The following NEB variants were observed in gnomAD, a reference collection of about 807,000 sequenced individuals.
NEB encodes nemaline myopathy type 2.
In NEB, 512 loss-of-function variants were observed where a neutral mutation model predicts 952.2. The observed-to-expected ratio is 0.54, with a 90% confidence interval of 0.50 to 0.58. The LOEUF (loss-of-function observed/expected upper bound fraction) is 0.58. Among genes scored for constraint, NEB ranks in the 20% least tolerant of loss-of-function variants. The pLI is 0.00. For missense variants in NEB, 8,428 were observed against 9,231.1 expected (o/e 0.91, Z 3.56); for synonymous variants, 2,900 against 3,149.8 (o/e 0.92, Z 2.66).
chr2:151,704,634 C>T (rs543713432), intron 13 of NEB, among the ~76,000 whole-genome samples: 15 of 152,176 alleles, frequency 9.9e-5, no homozygotes, highest in Non-Finnish European at 1.9e-4. Context: ...CAGGTGCGTC[C>T]GTCACCCCTT....
intron 170 of NEB, 80 bp from the exon 171 acceptor site, chr2:151,497,798 A>C (rs1279874386): frequency 1.0e-4 from 155 of 1,539,872 alleles, no homozygotes; most frequent in Non-Finnish European, 1.3e-4. Flanking sequence ...TGAGGAAAAA[A>C]CACAGTCATC....
intron 153 of NEB, among the ~76,000 whole-genome samples, chr2:151,522,976 C>T (rs1391527098): frequency 6.6e-6 from 1 of 152,152 alleles, no homozygotes; most frequent in African/African-American, 2.4e-5. Context: ...CCCATAGGGT[C>T]CCATTCTCCA....
In NEB at chr2:151,533,479, A is replaced by G. The variant is rs561915220; in HGVS notation, c.21380T>C (p.Met7127Thr). The G allele has an allele frequency of 7.7e-6, 12 of 1,551,666 alleles. No homozygotes were observed. The African/African-American group carries it at 1.2e-4, about 16-fold the overall frequency. ...HGCNEILRPD[M>T]LTALYNSHMW... ...ATGCGAATTGTAGAGAGCAGTCAAC[A>G]TATCTGGACGCAGAATTTCATTACA... The change falls in exon 143 of 182, where the codon ATG becomes ACG. Residue 7127 changes from methionine to threonine, a missense_variant. Transcript: ENST00000397345.
intron 45 of NEB, 61 bp downstream of exon 45, chr2:151,663,487 T>C: frequency 6.8e-7 from 1 of 1,460,368 alleles, no homozygotes; most frequent in Non-Finnish European, 9.3e-7. Flanking sequence ...TCATTGCTTA[T>C]GGTCACTCAT....
chr2:151,516,338 A>G (rs1293310482), intron 157 of NEB, 121 bp downstream of exon 157: 6 of 619,316 alleles, frequency 9.7e-6, no homozygotes, highest in African/African-American at 1.8e-5. Flanking sequence ...TAGTGATCAC[A>G]TGATAAAAAG....
At chr2:151,678,306 C>T (rs140452327) in intron 32 of NEB, 119 bp from the exon 33 acceptor site, 1 of 614,510 alleles carries the variant, frequency 1.6e-6, no homozygotes, top group African/African-American at 1.8e-5. Context: ...AATAACCAAA[C>T]AATTAACAAT....
chr2:151,521,062 C>CA (rs1431830665), intron 153 of NEB, among the ~76,000 whole-genome samples: 10 of 152,192 alleles, frequency 6.6e-5, no homozygotes, highest in Middle Eastern at 3.4e-3. Context: ...ACCAAAAGGG[C>CA]AATATTTAAC....
intron 180 of NEB, 44 bp from the exon 181 acceptor site, chr2:151,490,121 A>G (rs1414832502): frequency 6.9e-7 from 1 of 1,448,506 alleles, no homozygotes; most frequent in Admixed American, 1.8e-5. Context: ...AAAAATGGCT[A>G]GGTATCCTTT....
intron 141 of NEB, 85 bp from the exon 142 acceptor site, chr2:151,535,880 G>A (rs1576638030): frequency 1.4e-6 from 1 of 716,984 alleles, no homozygotes; most frequent in Non-Finnish European, 2.3e-6. Flanking sequence ...TGATATAATT[G>A]TGATAATTAA....
At chr2:151,487,764 C>T (rs1559083750) in intron 181 of NEB, among the ~76,000 whole-genome samples, 1 of 151,600 alleles carries the variant, frequency 6.6e-6, no homozygotes, top group Non-Finnish European at 1.5e-5. Context: ...TATACATACA[C>T]ACATATATAT....
rs139193329 is a variant in NEB at position 151,653,729 on chromosome 2, G to A, written c.6915+263C>T. ...CAAAGTAGGGAAAACTTGCAATCTC[G>A]GGTCCTTTGTAACATCTCCAAGTAG... On this transcript the variant is annotated intron_variant, in intron 52 of 181. Coordinates refer to ENST00000397345, the MANE Select transcript of NEB (RefSeq NM_001164508.2). Among the ~76,000 whole-genome samples, 236 of 152,126 alleles carry A rather than the reference G, an allele frequency of 1.6e-3. 1 individual carries two copies. Among genetic ancestry groups the A allele is most frequent in the African/African-American group, 5.4e-3 (223 of 41,530 alleles).
chr2:151,514,467 G>T, intron 158 of NEB, 39 bp from the exon 159 acceptor site: 2 of 1,439,406 alleles, frequency 1.4e-6, no homozygotes, highest in Non-Finnish European at 9.8e-7. Flanking sequence ...TGACAAGAAA[G>T]CCCAGATTGA....
At position 151,666,318 on chromosome 2, in the gene NEB, G is replaced by C. The variant is rs771278131; in HGVS notation, c.4803C>G (p.His1601Gln). Residue 1601 changes from histidine (H) to glutamine (Q), a missense_variant, in exon 41 of 182, where the codon CAC becomes CAG. Physicochemically the swap from His to Gln is conservative, Grantham distance 24. Around this residue, in one of 11 missense-constraint regions of NEB, gnomAD observed 2,851 missense variants for 2,791.5 expected, o/e 1.02. Transcript: ENST00000397345. ...LSLQDDPKLV[H>Q]YMNVAKIQSD... is the part of the protein sequence containing the mutation. ...ACTGGATTTTGGCCACATTCATGTA[G>C]TGAACCAGTTTAGGATCATCCTGAA... 1 of 1,613,770 alleles carries C rather than the reference G, an allele frequency of 6.2e-7. No homozygotes were observed. The highest frequency in any genetic ancestry group is 8.5e-7 in the Non-Finnish European group (1 of 1,179,868).
intron 167 of NEB, among the ~76,000 whole-genome samples, chr2:151,501,938 ATTAAT>A (rs1164818309): frequency 3.3e-5 from 5 of 152,238 alleles, no homozygotes; most frequent in Admixed American, 6.5e-5. Context: ...CAAAGGAAAA[ATTAAT>A]TTATATCTTA....
intron 145 of NEB, 24 bp from the exon 146 acceptor site, chr2:151,529,338 A>C: frequency 1.3e-6 from 2 of 1,488,748 alleles, no homozygotes; most frequent in African/African-American, 1.4e-5. Context: ...CACAGTGACA[A>C]GATTAATTTT....
rs1433653842 is a variant in NEB at position 151,727,852 on chromosome 2, A to G, written c.133T>C (p.Ser45Pro). The G allele has an allele frequency of 5.0e-6, 8 of 1,612,868 alleles. No individual in the cohort carries two copies. The highest frequency in any genetic ancestry group is 3.3e-5 in the South Asian group (3 of 90,710). Residue 45 changes from serine (S) to proline (P), a missense_variant, in exon 5 of 182, where the codon TCA (serine) becomes CCA (proline). Ser to Pro is a moderately conservative substitution (Grantham distance 74). Coordinates refer to ENST00000397345, the MANE Select transcript of NEB (RefSeq NM_001164508.2). ...TTTRTSDYEQ[S>P]ETSKPALAQP... ...GCCAGAGCTGGTTTGGAAGTTTCTG[A>G]TTGCTCATAGTCAGATGTCCTTGTT...
At chr2:151,680,065 A>C (rs1250343906) in intron 30 of NEB, 43 bp from the exon 31 acceptor site, 1 of 1,393,556 alleles carries the variant, frequency 7.2e-7, no homozygotes, top group Non-Finnish European at 1.0e-6. Context: ...TAAAGTAGAA[A>C]GAAAATTTAA....
Position 151,729,632 on chromosome 2 carries a change from C to CTGTGTAGTACTGTGTA in NEB, c.60_61insTACACAGTACTACACA (p.Glu21TyrfsTer18). 1 of 1,613,280 alleles carries CTGTGTAGTACTGTGTA rather than the reference C, an allele frequency of 6.2e-7. No individual in the cohort carries two copies. Among genetic ancestry groups the CTGTGTAGTACTGTGTA allele is most frequent in the East Asian group, 2.2e-5 (1 of 44,864 alleles). ...GGCCTTACCTCTCCCGGCACCTCTT[C>CTGTGTAGTACTGTGTA]GTAAACCACTTCTTCTGTGTAGTAC... On this transcript the variant is annotated frameshift_variant, in exon 4 of 182. Transcript: ENST00000397345. LOFTEE classifies it high-confidence loss of function.
intron 170 of NEB, 191 bp downstream of exon 170, chr2:151,498,069 T>C: frequency 1.4e-6 from 2 of 1,458,748 alleles, no homozygotes; most frequent in East Asian, 2.5e-5. Flanking sequence ...AACATGTTTG[T>C]TTGTAAATAT....
Sources: allele counts gnomAD v4.1 joint callset (sites outside exome capture counted in the v4.1 genomes callset), GRCh38; gene constraint gnomAD v4.1.1; regional missense constraint gnomAD v4.1.1; transcripts MANE v1.5; gene names NCBI Gene and HGNC (gene_info 2026-07-23, HGNC 2026-07-21).